The following PROM1 variants were observed in gnomAD, a reference collection of about 807,000 sequenced individuals.
The protein encoded by PROM1 is prominin-1.
A neutral mutation model predicts 116.9 loss-of-function variants in PROM1; 105 were observed. The observed-to-expected ratio is 0.90, with a 90% confidence interval of 0.77 to 1.06. The LOEUF is 1.06. Ranked by LOEUF, PROM1 falls within the 50% of genes least tolerant of loss-of-function variation. The probability of loss-of-function intolerance (pLI) is 0.00; values close to 1 mark genes in which losing one functional copy is unlikely to be tolerated. For missense variants in PROM1, 1,122 were observed against 1,045.2 expected (o/e 1.07, Z -1.01); for synonymous variants, 393 against 387.0 (o/e 1.02, Z -0.18).
intron 26 of PROM1, among the ~76,000 whole-genome samples, chr4:15,975,755 T>C (rs1243548691): frequency 6.6e-6 from 1 of 152,222 alleles, no homozygotes; most frequent in Non-Finnish European, 1.5e-5. Context: ...GATTCTTCAC[T>C]GACTGCCTGT....
chr4:15,977,181 C>T (rs1167230742), intron 26 of PROM1, among the ~76,000 whole-genome samples: 2 of 125,762 alleles, frequency 1.6e-5, no homozygotes, highest in Non-Finnish European at 3.6e-5. Context: ...GTGGCAGCCT[C>T]CACCCAGGCT....
At chr4:15,986,715 A>G (rs186688144) in intron 20 of PROM1, among the ~76,000 whole-genome samples, 2 of 152,358 alleles carry the variant, frequency 1.3e-5, no homozygotes, top group East Asian at 3.9e-4. Context: ...TGAGACACAC[A>G]CCTATGAAAT....
chr4:15,995,316 A>G (rs111437386), intron 15 of PROM1, among the ~76,000 whole-genome samples: 197 of 142,970 alleles, frequency 1.4e-3, no homozygotes, highest in African/African-American at 4.6e-3. Context: ...GAGAGAGAGA[A>G]AAAGAAGAAG....
At chr4:15,989,674 T>C in intron 19 of PROM1, 58 bp downstream of exon 19, 8 of 1,377,170 alleles carry the variant, frequency 5.8e-6, no homozygotes, top group Non-Finnish European at 8.1e-6. Flanking sequence ...GAAAGCCAAC[T>C]AGCTGCAGTA....
intron 12 of PROM1, among the ~76,000 whole-genome samples, chr4:16,008,342 C>CA (rs957466865): frequency 6.6e-5 from 10 of 152,198 alleles, no homozygotes; most frequent in Non-Finnish European, 1.3e-4. Flanking sequence ...GAAACCCCAC[C>CA]ACTCGCATTT....
intron 13 of PROM1, among the ~76,000 whole-genome samples, chr4:16,002,226 A>G (rs13142480): frequency 0.27 from 40,751 of 152,052 alleles, 5,819 homozygotes; most frequent in Admixed American, 0.38. Context: ...AAAAAAACAG[A>G]AAGAGAAGGA....
Position 15,980,404 on chromosome 4 carries a change from G to A in PROM1, c.2489+18C>T. On this transcript the variant is annotated intron_variant, in intron 24 of 27. Transcript: ENST00000447510. ...CCTAGAAAATGACCCCCACGTCTGT[G>A]GAAGCCCACATACTTACTCATCGTA... The A allele has an allele frequency of 6.7e-7, 1 of 1,487,488 alleles. No homozygotes were observed. The highest frequency in any genetic ancestry group is 2.0e-5 in the Admixed American group (1 of 49,828). 92.1% of individuals were successfully genotyped at this position (1,487,488 alleles called of 1,614,324 possible). A position where few individuals can be genotyped will look rare whatever the true frequency, so the allele number is the denominator to read the frequency against.
At chr4:16,023,288 G>A (rs1730374807) in intron 8 of PROM1, 38 bp downstream of exon 8, 1 of 1,500,566 alleles carries the variant, frequency 6.7e-7, no homozygotes, top group Admixed American at 1.9e-5. Flanking sequence ...GGGACTCCTG[G>A]ATGGAACTTT....
intron 3 of PROM1, 74 bp downstream of exon 3, chr4:16,038,872 A>AT: frequency 7.3e-7 from 1 of 1,366,050 alleles, no homozygotes; most frequent in Non-Finnish European, 9.6e-7. Flanking sequence ...TTATTTAAAG[A>AT]TTTACTTTCA....
intron 5 of PROM1, among the ~76,000 whole-genome samples, chr4:16,032,931 T>C (rs1287515447): frequency 6.6e-6 from 1 of 152,238 alleles, no homozygotes; most frequent in Non-Finnish European, 1.5e-5. Context: ...GCAAATCAAC[T>C]TGCAGATCCA....
chr4:16,027,585 G>C (rs1731643007), intron 5 of PROM1, among the ~76,000 whole-genome samples: 1 of 152,136 alleles, frequency 6.6e-6, no homozygotes, highest in Non-Finnish European at 1.5e-5. Flanking sequence ...ATCCCCAAGA[G>C]GGAGAAGAAC....
chr4:16,005,419 A>G (rs796813641), intron 13 of PROM1, among the ~76,000 whole-genome samples: 5 of 152,034 alleles, frequency 3.3e-5, no homozygotes, highest in African/African-American at 1.2e-4. Context: ...TAATTATTGT[A>G]GGGAAAGGAT....
At chr4:15,993,431 C>T (rs1721546350) in intron 16 of PROM1, among the ~76,000 whole-genome samples, 1 of 152,172 alleles carries the variant, frequency 6.6e-6, no homozygotes, top group Non-Finnish European at 1.5e-5. Context: ...ATGGTCTTTC[C>T]TCCAAATCTT....
intron 14 of PROM1, among the ~76,000 whole-genome samples, chr4:15,999,585 G>C (rs543254041): frequency 6.6e-6 from 1 of 152,092 alleles, no homozygotes; most frequent in Non-Finnish European, 1.5e-5. Flanking sequence ...GAAATATCCC[G>C]TACTTAAGAA....
intron 13 of PROM1, among the ~76,000 whole-genome samples, chr4:16,000,824 G>A (rs1340529205): frequency 6.6e-6 from 1 of 151,702 alleles, no homozygotes; most frequent in East Asian, 1.9e-4. Flanking sequence ...ACACTGGATG[G>A]GGGCCTGGGG....
chr4:16,006,571 C>A lies in PROM1; in HGVS notation c.1421G>T (p.Cys474Phe). The stretch of plus-strand genomic sequence containing the variant: ...GAAGACGCCTCCGGTGTTGGAGACA[C>A]AGCCTCGGGTGGTCGGGGTGGCATG... Reference protein sequence around the residue: ...DRHATPTTRGCVSNTGGVFLM... With the variant: ...DRHATPTTRGFVSNTGGVFLM... The change falls in exon 13 of 28, where the codon TGT becomes TTT. Residue 474 changes from cysteine to phenylalanine, a missense_variant. By Grantham distance (205) the Cys-to-Phe change is radical. Transcript: ENST00000447510. 2 of 1,601,400 alleles carry A rather than the reference C, an allele frequency of 1.2e-6. No homozygotes were observed. Among genetic ancestry groups the A allele is most frequent in the Non-Finnish European group, 1.7e-6 (2 of 1,174,368 alleles).
intron 15 of PROM1, among the ~76,000 whole-genome samples, chr4:15,995,535 C>T (rs1450041283): frequency 2.6e-5 from 4 of 152,150 alleles, no homozygotes; most frequent in Non-Finnish European, 5.9e-5. Context: ...GTTTTCACTG[C>T]CATGGGCTGA....
chr4:16,016,220 T>C lies in PROM1; in HGVS notation c.1023A>G (p.Glu341=), dbSNP rs1350559598. ...ELRQLPPVDA[E]LDNVNNVLRT... ...TAAGAACGTTATTAACGTTGTCAAG[T>C]TCTGCATCCACGGGTGGAAGCTGAA... The change falls in exon 10 of 28, where the codon GAA becomes GAG. Residue 341 remains glutamate (E), a synonymous_variant. Coordinates refer to ENST00000447510, the MANE Select transcript of PROM1 (RefSeq NM_006017.3). 2 of 1,553,448 alleles carry C rather than the reference T, an allele frequency of 1.3e-6. No individual in the cohort carries two copies. The highest frequency in any genetic ancestry group is 3.9e-5 in the Admixed American group (2 of 51,276).
intron 2 of PROM1, among the ~76,000 whole-genome samples, chr4:16,063,082 T>A (rs1172309640): frequency 6.6e-6 from 1 of 152,132 alleles, no homozygotes; most frequent in East Asian, 1.9e-4. Flanking sequence ...TAGGACACTA[T>A]CTATAAAGGT....
Sources: gnomAD v4.1 joint callset for allele counts (sites outside exome capture counted in the v4.1 genomes callset) on GRCh38, gnomAD v4.1.1 for gene constraint, MANE v1.5 for transcripts, NCBI Gene and HGNC (gene_info 2026-07-23, HGNC 2026-07-21) for gene names.